Variants in SFXN5 observed in about 807,000 individuals in gnomAD.
The protein encoded by SFXN5 is sideroflexin-5.
In SFXN5, 43 loss-of-function variants were observed where a neutral mutation model predicts 50.2. The observed-to-expected ratio is 0.86, with a 90% CI of 0.67 to 1.11. SFXN5 has a LOEUF of 1.11. Ranked by LOEUF, SFXN5 falls within the 50% of genes least tolerant of loss-of-function variation. The pLI is 0.00. For synonymous variants in SFXN5, 203 were observed against 185.8 expected (o/e 1.09, Z -0.75); for missense variants, 463 against 454.1 (o/e 1.02, Z -0.18).
At chr2:72,946,746 C>T (rs1671978957) in intron 13 of SFXN5, among the ~76,000 whole-genome samples, 1 of 152,206 alleles carries the variant, frequency 6.6e-6, no homozygotes, top group African/African-American at 2.4e-5. Flanking sequence ...CCGTCCCTCC[C>T]CACAAGGTCT....
chr2:73,025,058 G>A (rs977938762), intron 3 of SFXN5, among the ~76,000 whole-genome samples: 2 of 152,114 alleles, frequency 1.3e-5, no homozygotes, highest in Non-Finnish European at 2.9e-5. Context: ...GGGGAACAGA[G>A]GGGACTGATG....
intron 2 of SFXN5, chr2:73,053,688 T>G (rs896294780): frequency 1.3e-5 from 2 of 152,242 alleles, no homozygotes; most frequent in African/African-American, 4.8e-5. Flanking sequence ...TCTCCATTGA[T>G]TCAGCTAATG....
At chr2:72,947,002 C>T (rs1305572278) in intron 13 of SFXN5, among the ~76,000 whole-genome samples, 2 of 152,190 alleles carry the variant, frequency 1.3e-5, no homozygotes, top group African/African-American at 2.4e-5. Context: ...GACACCCCGT[C>T]CTACTTCCAT....
intron 3 of SFXN5, among the ~76,000 whole-genome samples, chr2:73,023,749 C>T (rs1430937717): frequency 6.6e-6 from 1 of 152,202 alleles, no homozygotes; most frequent in African/African-American, 2.4e-5. Context: ...GAATGGGAAG[C>T]TCTCAGAGCA....
At chr2:73,044,622 G>C (rs540454040) in intron 2 of SFXN5, 8 of 152,858 alleles carry the variant, frequency 5.2e-5, no homozygotes, top group African/African-American at 1.7e-4. Flanking sequence ...TGGTGGCAGG[G>C]TGAACTCCGC....
intron 13 of SFXN5, among the ~76,000 whole-genome samples, chr2:72,955,072 C>A (rs1481391399): frequency 6.6e-6 from 1 of 152,194 alleles, no homozygotes; most frequent in Non-Finnish European, 1.5e-5. Flanking sequence ...TCCACCCCAA[C>A]ATCACCTAGG....
chr2:73,007,109 G>A (rs537806545), intron 6 of SFXN5, among the ~76,000 whole-genome samples: 22 of 152,280 alleles, frequency 1.4e-4, no homozygotes, highest in Admixed American at 7.2e-4. Flanking sequence ...AGTGGAACAT[G>A]AACAGCTGAA....
chr2:73,016,022 T>C (rs1676108729), intron 6 of SFXN5, among the ~76,000 whole-genome samples: 1 of 152,218 alleles, frequency 6.6e-6, no homozygotes, highest in Non-Finnish European at 1.5e-5. Flanking sequence ...AATGTATTCA[T>C]TTCTTCTAAG....
intron 2 of SFXN5, among the ~76,000 whole-genome samples, chr2:73,050,703 C>T (rs1372695185): frequency 2.0e-5 from 3 of 152,168 alleles, no homozygotes; most frequent in South Asian, 2.1e-4. Flanking sequence ...GGGTCATTCT[C>T]GCATTGTCTT....
At chr2:72,970,126 T>C (rs1674975996) in intron 11 of SFXN5, among the ~76,000 whole-genome samples, 1 of 152,134 alleles carries the variant, frequency 6.6e-6, no homozygotes, top group African/African-American at 2.4e-5. Context: ...GGAGTTATCA[T>C]GGCATGGCTG....
At chr2:73,068,634 A>G (rs1683344009) in intron 1 of SFXN5, among the ~76,000 whole-genome samples, 2 of 152,086 alleles carry the variant, frequency 1.3e-5, no homozygotes, top group South Asian at 4.1e-4. Context: ...TCATGTATAT[A>G]ACAAATCTTC....
intron 2 of SFXN5, among the ~76,000 whole-genome samples, chr2:73,050,344 A>G (rs1330002008): frequency 6.7e-6 from 1 of 149,388 alleles, no homozygotes; most frequent in Non-Finnish European, 1.5e-5. Flanking sequence ...GGCTGTCTGC[A>G]ACATTCTTTG....
intron 3 of SFXN5, among the ~76,000 whole-genome samples, chr2:73,038,476 A>T (rs2105913938): frequency 6.6e-6 from 1 of 152,234 alleles, no homozygotes; most frequent in South Asian, 2.1e-4. Flanking sequence ...AAGCACGCTA[A>T]ATTTATTTTA....
At chr2:72,962,914 A>G (rs1673910827) in intron 12 of SFXN5, among the ~76,000 whole-genome samples, 1 of 152,126 alleles carries the variant, frequency 6.6e-6, no homozygotes, top group African/African-American at 2.4e-5. Flanking sequence ...GCCTAAATCA[A>G]GCCCAAACCC....
At chr2:73,006,317 C>T (rs10211218) in intron 6 of SFXN5, among the ~76,000 whole-genome samples, 4,732 of 152,220 alleles carry the variant, frequency 0.031, 242 homozygotes, top group African/African-American at 0.11. Context: ...CCCAGCCAAC[C>T]GCAGATCCCT....
At chr2:72,968,654 G>C in intron 11 of SFXN5, 121 bp from the exon 12 acceptor site, 1 of 822,584 alleles carries the variant, frequency 1.2e-6, no homozygotes, top group Non-Finnish European at 1.9e-6. Flanking sequence ...CCTTATTCAT[G>C]GGATTGCTCA....
At chr2:73,045,845 T>A (rs1680252768) in intron 2 of SFXN5, among the ~76,000 whole-genome samples, 1 of 152,142 alleles carries the variant, frequency 6.6e-6, no homozygotes. Flanking sequence ...GGGTTCTACC[T>A]GTCTGTGCTG....
intron 6 of SFXN5, among the ~76,000 whole-genome samples, chr2:73,010,524 A>T (rs564564259): frequency 6.6e-6 from 1 of 152,330 alleles, no homozygotes; most frequent in South Asian, 2.1e-4. Flanking sequence ...CTTATCTCCA[A>T]ACTTCTTTGA....
intron 3 of SFXN5, 90 bp downstream of exon 3, chr2:73,040,764 G>A: frequency 9.6e-7 from 1 of 1,043,628 alleles, no homozygotes; most frequent in South Asian, 1.5e-5. Flanking sequence ...CTGGACGAAA[G>A]AAGTGGTTCT....
Sources: gnomAD v4.1 joint callset for allele counts (sites outside exome capture counted in the v4.1 genomes callset) on GRCh38, gnomAD v4.1.1 for gene constraint, MANE v1.5 for transcripts, NCBI Gene and HGNC (gene_info 2026-07-23, HGNC 2026-07-21) for gene names.